CALCR: variants seen among roughly 807,000 people sequenced by gnomAD.
The protein encoded by CALCR is calcitonin receptor.
In CALCR, 47 loss-of-function variants were observed where a neutral mutation model predicts 59.5. The observed-to-expected ratio is 0.79, with a 90% CI of 0.63 to 1.01. The LOEUF (loss-of-function observed/expected upper bound fraction) is 1.01, where lower values mean the gene tolerates loss of function less well. Ranked by LOEUF, CALCR falls within the 50% of genes least tolerant of loss-of-function variation. The probability of loss-of-function intolerance (pLI) is 0.00; values close to 1 mark genes in which losing one functional copy is unlikely to be tolerated. For missense variants in CALCR, 566 were observed against 597.1 expected (o/e 0.95, Z 0.54); for synonymous variants, 213 against 211.3 (o/e 1.01, Z -0.07).
At chr7:93,440,607 C>T (rs1433950143) in intron 9 of CALCR, among the ~76,000 whole-genome samples, 1 of 151,664 alleles carries the variant, frequency 6.6e-6, no homozygotes, top group Non-Finnish European at 1.5e-5. Flanking sequence ...AAAAACATTA[C>T]ATTTTAGAAC....
chr7:93,534,599 T>C (rs1788938286), intron 2 of CALCR, among the ~76,000 whole-genome samples: 1 of 151,832 alleles, frequency 6.6e-6, no homozygotes, highest in Non-Finnish European at 1.5e-5. Context: ...AAGAGGCCAT[T>C]CTTAGGAAGC....
At chr7:93,567,556 T>C (rs1297068063) in intron 2 of CALCR, among the ~76,000 whole-genome samples, 1 of 152,204 alleles carries the variant, frequency 6.6e-6, no homozygotes, top group Admixed American at 6.5e-5. Flanking sequence ...TAAAAAGTTT[T>C]TTTTTTAATT....
At chr7:93,434,389 G>GC in intron 12 of CALCR, 95 bp from the exon 13 acceptor site, 1 of 511,148 alleles carries the variant, frequency 2.0e-6, no homozygotes, top group East Asian at 3.2e-5. Flanking sequence ...AAGGCCTGAT[G>GC]AAAAAAAAAA....
At chr7:93,431,061 G>A (rs1287704428) in intron 13 of CALCR, among the ~76,000 whole-genome samples, 1 of 152,172 alleles carries the variant, frequency 6.6e-6, no homozygotes, top group Non-Finnish European at 1.5e-5. Context: ...TAGAGAACAT[G>A]TAGAATATGA....
Position 93,425,100 on chromosome 7 carries a change from A to C in CALCR, c.*1256T>G, listed in dbSNP as rs934093953. 5 of 152,636 alleles carry C rather than the reference A, an allele frequency of 3.3e-5. No individual in the cohort carries two copies. The highest frequency in any genetic ancestry group is 1.2e-4 in the African/African-American group (5 of 41,454). 9.5% of individuals were successfully genotyped at this position (152,636 alleles called of 1,614,324 possible). A position where few individuals can be genotyped will look rare whatever the true frequency, so the allele number is the denominator to read the frequency against. ...TCACAAATTAATTTCAGGTGCCAGT[A>C]ACGATACTGGTTTATTCAGGATTTT... On this transcript the variant is annotated 3_prime_UTR_variant, in exon 14 of 14. Transcript: ENST00000426151.
At chr7:93,536,666 G>T (rs893222853) in intron 2 of CALCR, among the ~76,000 whole-genome samples, 2 of 151,662 alleles carry the variant, frequency 1.3e-5, no homozygotes, top group Admixed American at 1.3e-4. Context: ...TTTAGCATTA[G>T]GTATATCTCC....
chr7:93,487,101 A>C lies in CALCR; in HGVS notation c.-26-94T>G, dbSNP rs1042229393. ...TTCATTTTTTCTATTTGACTTAAAG[A>C]GGATCAACATCCCAAGACACCCTAA... On this transcript the variant is annotated intron_variant, in intron 2 of 13. Transcript: ENST00000426151. 7.4e-6 allele frequency: 5 copies of C among 671,494 alleles called. No homozygotes were observed. The African/African-American group carries it at 9.4e-5, about 13-fold the overall frequency. The allele number at this position is 671,494 out of a possible 1,614,324, so 41.6% of individuals were successfully genotyped here.
chr7:93,501,374 C>T (rs1371664823), intron 2 of CALCR, among the ~76,000 whole-genome samples: 1 of 151,980 alleles, frequency 6.6e-6, no homozygotes, highest in African/African-American at 2.4e-5. Flanking sequence ...TATAATTTTA[C>T]AAATTTATGA....
In CALCR at chr7:93,472,446, T is replaced by G. The variant is rs759302425; in HGVS notation, c.358A>C (p.Lys120Gln). 6.2e-7 allele frequency: 1 copy of G among 1,609,666 alleles called. No individual in the cohort carries two copies. The highest frequency in any genetic ancestry group is 2.2e-5 in the East Asian group (1 of 44,746). Residue 120 changes from lysine (K) to glutamine (Q), a missense_variant, in exon 6 of 14, where the codon AAA becomes CAA. Lys to Gln is a moderately conservative substitution (Grantham distance 53, BLOSUM62 1). Transcript: ENST00000426151. Reference protein sequence around the residue: ...KYCDEKGVWFKHPENNRTWSN... With the variant: ...KYCDEKGVWFQHPENNRTWSN... ...CAGGTTCGATTGTTTTCAGGATGTT[T>G]AAACCAAACACCTTTTTCATCACAG...
At chr7:93,488,078 G>A (rs1800988742) in intron 2 of CALCR, among the ~76,000 whole-genome samples, 1 of 151,650 alleles carries the variant, frequency 6.6e-6, no homozygotes, top group African/African-American at 2.4e-5. Context: ...AACTCTACAA[G>A]CTAGAAGAGA....
intron 2 of CALCR, among the ~76,000 whole-genome samples, chr7:93,569,810 G>T (rs1339257928): frequency 1.3e-5 from 2 of 152,010 alleles, no homozygotes; most frequent in Non-Finnish European, 2.9e-5. Flanking sequence ...ATGAAGGAAG[G>T]TAAGATTTGA....
intron 13 of CALCR, among the ~76,000 whole-genome samples, chr7:93,431,926 C>T (rs1244231785): frequency 6.6e-6 from 1 of 152,122 alleles, no homozygotes; most frequent in Non-Finnish European, 1.5e-5. Context: ...TCATCTTTTT[C>T]AGGTCTCTTA....
intron 2 of CALCR, among the ~76,000 whole-genome samples, chr7:93,497,729 T>C (rs1265160168): frequency 6.6e-6 from 1 of 151,618 alleles, no homozygotes; most frequent in Non-Finnish European, 1.5e-5. Flanking sequence ...ATGTCCTTCA[T>C]ATCTTTTCAG....
intron 2 of CALCR, among the ~76,000 whole-genome samples, chr7:93,546,271 T>A (rs1303235291): frequency 6.6e-6 from 1 of 152,088 alleles, no homozygotes; most frequent in African/African-American, 2.4e-5. Context: ...TTTAATAACA[T>A]CCCTGTTCAC....
intron 2 of CALCR, among the ~76,000 whole-genome samples, chr7:93,489,328 G>A (rs987217948): frequency 2.6e-5 from 4 of 151,630 alleles, no homozygotes; most frequent in South Asian, 2.1e-4. Context: ...ATCTCAAATC[G>A]ACACCCTAAT....
chr7:93,452,690 AAC>A (rs1800134347), intron 8 of CALCR, among the ~76,000 whole-genome samples: 1 of 151,998 alleles, frequency 6.6e-6, no homozygotes, highest in South Asian at 2.1e-4. Flanking sequence ...ATTAAAAACA[AAC>A]ACTGGAGAAA....
At chr7:93,572,174 T>C (rs1010378019) in intron 2 of CALCR, among the ~76,000 whole-genome samples, 2 of 152,150 alleles carry the variant, frequency 1.3e-5, no homozygotes, top group African/African-American at 2.4e-5. Context: ...TTTCTTCTAA[T>C]TGTAAGATCA....
At chr7:93,484,132 C>A in intron 3 of CALCR, 1 of 312,190 alleles carries the variant, frequency 3.2e-6, no homozygotes, top group Admixed American at 3.3e-5. Context: ...CAGCAGTGAA[C>A]CAAACTGGCA....
intron 4 of CALCR, among the ~76,000 whole-genome samples, chr7:93,478,556 G>T (rs940694959): frequency 2.0e-5 from 3 of 151,630 alleles, no homozygotes; most frequent in African/African-American, 7.3e-5. Flanking sequence ...TGGGCATGGT[G>T]GCATGCACCT....
Sources: gnomAD v4.1 joint callset for allele counts (sites outside exome capture counted in the v4.1 genomes callset) on GRCh38, gnomAD v4.1.1 for gene constraint, MANE v1.5 for transcripts, NCBI Gene and HGNC (gene_info 2026-07-23, HGNC 2026-07-21) for gene names.